CHD9NB: variants seen among roughly 807,000 people sequenced by gnomAD.
CHD9NB encodes CHD9 neighbor.
the CHD9NB span, chr16:53,052,851 C>G: frequency 6.2e-6 from 1 of 161,386 alleles, no homozygotes; most frequent in South Asian, 1.6e-4. Context: ...TTTAGTGACA[C>G]CCACCACCCC....
chr16:53,051,628 G>T, the CHD9NB span, among the ~76,000 whole-genome samples: 1 of 146,308 alleles, frequency 6.8e-6, no homozygotes, highest in South Asian at 2.2e-4. Flanking sequence ...GTGGGGTAGG[G>T]GGAGGGGGGA....
chr16:53,037,925 G>A, the CHD9NB span, among the ~76,000 whole-genome samples: 1 of 152,164 alleles, frequency 6.6e-6, no homozygotes, highest in Non-Finnish European at 1.5e-5. Context: ...TATATAAGGG[G>A]AGATTTATTA....
the CHD9NB span, among the ~76,000 whole-genome samples, chr16:53,037,768 C>G: frequency 6.6e-6 from 1 of 152,182 alleles, no homozygotes; most frequent in Non-Finnish European, 1.5e-5. Flanking sequence ...TCCCACAATT[C>G]CCAAATGAAT....
At chr16:53,038,346 A>G in the CHD9NB span, among the ~76,000 whole-genome samples, 1 of 152,044 alleles carries the variant, frequency 6.6e-6, no homozygotes, top group Non-Finnish European at 1.5e-5. Flanking sequence ...ACATAATTTT[A>G]TTTATCTATT....
At chr16:53,043,865 C>A in the CHD9NB span, 14 of 397,156 alleles carry the variant, frequency 3.5e-5, no homozygotes, top group Non-Finnish European at 5.8e-5. Flanking sequence ...ACTTCTGAAG[C>A]CTGAATCCCA....
the CHD9NB span, among the ~76,000 whole-genome samples, chr16:53,038,851 G>A: frequency 6.6e-6 from 1 of 152,192 alleles, no homozygotes; most frequent in African/African-American, 2.4e-5. Flanking sequence ...GTGTGATGGT[G>A]AGGATTAAAT....
At chr16:53,049,322 T>TTG in the CHD9NB span, among the ~76,000 whole-genome samples, 2,145 of 144,982 alleles carry the variant, frequency 0.015, 24 homozygotes, top group East Asian at 0.035. Flanking sequence ...CCCCCAGCTG[T>TTG]TGTGTGTGTG....
At chr16:53,050,914 G>A in the CHD9NB span, among the ~76,000 whole-genome samples, 28 of 149,562 alleles carry the variant, frequency 1.9e-4, 1 homozygote, top group African/African-American at 5.4e-4. Context: ...TTGAGACGGA[G>A]TCTCGCTCTG....
chr16:53,051,392 G>T, the CHD9NB span, among the ~76,000 whole-genome samples: 13 of 152,146 alleles, frequency 8.5e-5, no homozygotes, highest in African/African-American at 3.1e-4. Context: ...ATGATAGTCT[G>T]GATTAAGAAA....
chr16:53,045,082 T>C, the CHD9NB span, among the ~76,000 whole-genome samples: 2 of 152,078 alleles, frequency 1.3e-5, no homozygotes, highest in South Asian at 2.1e-4. Context: ...TATAGGTGCA[T>C]GCCACCATGC....
the CHD9NB span, chr16:53,043,953 G>A: frequency 2.5e-6 from 1 of 398,548 alleles, no homozygotes; most frequent in Non-Finnish European, 4.4e-6. Flanking sequence ...TGGGGCCAAA[G>A]GCAGTTCCAG....
chr16:53,042,354 C>T, the CHD9NB span, among the ~76,000 whole-genome samples: 45 of 150,176 alleles, frequency 3.0e-4, no homozygotes, highest in Admixed American at 6.6e-5. Context: ...TCTCCCCGCT[C>T]TTTCATCTCC....
At chr16:53,036,428 C>A in the CHD9NB span, among the ~76,000 whole-genome samples, 1 of 152,188 alleles carries the variant, frequency 6.6e-6, no homozygotes, top group South Asian at 2.1e-4. Context: ...CTCCACCTGC[C>A]CTTTACATGT....
At chr16:53,046,425 C>T in the CHD9NB span, among the ~76,000 whole-genome samples, 1 of 151,928 alleles carries the variant, frequency 6.6e-6, no homozygotes, top group Non-Finnish European at 1.5e-5. Context: ...TGCCTGTAAC[C>T]TAGCACTTTA....
chr16:53,036,457 G>A, the CHD9NB span, among the ~76,000 whole-genome samples: 1 of 152,264 alleles, frequency 6.6e-6, no homozygotes, highest in East Asian at 1.9e-4. Flanking sequence ...CCAGAGTTTT[G>A]TCCTTGATAG....
chr16:53,040,536 CT>C, the CHD9NB span, among the ~76,000 whole-genome samples: 1 of 152,206 alleles, frequency 6.6e-6, no homozygotes, highest in Non-Finnish European at 1.5e-5. Flanking sequence ...CTAATTCCAA[CT>C]TACTCTTGAA....
chr16:53,041,004 AT>A, the CHD9NB span, among the ~76,000 whole-genome samples: 29 of 151,634 alleles, frequency 1.9e-4, no homozygotes, highest in Admixed American at 1.9e-3. Context: ...TGGATGGATA[AT>A]GGATGAAAGG....
chr16:53,052,055 G>A, the CHD9NB span, among the ~76,000 whole-genome samples: 17 of 151,632 alleles, frequency 1.1e-4, no homozygotes, highest in Admixed American at 9.9e-4. Flanking sequence ...GGATTACTGT[G>A]AAGATTAAAC....
the CHD9NB span, among the ~76,000 whole-genome samples, chr16:53,040,802 T>A: frequency 6.6e-6 from 1 of 152,128 alleles, no homozygotes; most frequent in South Asian, 2.1e-4. Context: ...CTCATGTAAC[T>A]AAAAAATCCA....
Sources: allele counts gnomAD v4.1 joint callset (sites outside exome capture counted in the v4.1 genomes callset), GRCh38; gene constraint gnomAD v4.1.1; transcripts MANE v1.5; gene names NCBI Gene and HGNC (gene_info 2026-07-23, HGNC 2026-07-21).